SLCO6A1: variants seen among roughly 807,000 people sequenced by gnomAD.
SLCO6A1 encodes solute carrier organic anion transporter family member 6A1.
Under a neutral mutation model 72.7 loss-of-function variants are expected in SLCO6A1, and 65 were observed. The observed-to-expected ratio is 0.89, with a 90% CI of 0.73 to 1.10. The LOEUF (loss-of-function observed/expected upper bound fraction) is 1.10, where lower values mean the gene tolerates loss of function less well. Ranked by LOEUF, SLCO6A1 falls within the 50% of genes least tolerant of loss-of-function variation. The probability of loss-of-function intolerance (pLI) is 0.00; values close to 1 mark genes in which losing one functional copy is unlikely to be tolerated. For synonymous variants in SLCO6A1, 314 were observed against 298.2 expected (o/e 1.05, Z -0.55); for missense variants, 874 against 872.6 (o/e 1.00, Z -0.02).
intron 9 of SLCO6A1, among the ~76,000 whole-genome samples, chr5:102,406,107 G>A (rs1252381384): frequency 2.0e-5 from 3 of 150,246 alleles, no homozygotes; most frequent in Non-Finnish European, 4.5e-5. Context: ...AATAAAATAA[G>A]CAGCTAGATC....
chr5:102,375,166 T>C (rs1745712119), intron 12 of SLCO6A1, among the ~76,000 whole-genome samples: 4 of 152,072 alleles, frequency 2.6e-5, no homozygotes, highest in South Asian at 2.1e-4. Context: ...TTCAAACAAA[T>C]AGCAAGACAT....
At chr5:102,452,272 T>C (rs185465203) in intron 6 of SLCO6A1, among the ~76,000 whole-genome samples, 1 of 152,354 alleles carries the variant, frequency 6.6e-6, no homozygotes, top group Admixed American at 6.5e-5. Context: ...TTTTCCTCTA[T>C]AAAATATTAT....
At chr5:102,427,785 A>G (rs1748976009) in intron 7 of SLCO6A1, among the ~76,000 whole-genome samples, 2 of 150,090 alleles carry the variant, frequency 1.3e-5, no homozygotes, top group South Asian at 4.2e-4. Context: ...AGATGTTTAT[A>G]AAAGGGGAAA....
chr5:102,388,528 T>C (rs1182982146), intron 12 of SLCO6A1, among the ~76,000 whole-genome samples, 160 bp downstream of exon 12: 2 of 152,200 alleles, frequency 1.3e-5, no homozygotes, highest in East Asian at 1.9e-4. Context: ...AAAATTTTAC[T>C]TATAGAGATG....
rs1209002111 is a variant in SLCO6A1, at chr5:102,491,854, G to A, written c.358+6633C>T. On this transcript the variant is annotated intron_variant, in intron 1 of 13. Coordinates refer to ENST00000506729, the MANE Select transcript of SLCO6A1 (RefSeq NM_173488.5). ...TGGCCAGAGTGGGCGCCAAGGCGGA[G>A]GAGGTGCAGAGAGCGAGCGAGGGCT... is the stretch of plus-strand genomic sequence containing the variant. Among the ~76,000 whole-genome samples, 3 of 152,278 alleles carry A rather than the reference G, an allele frequency of 2.0e-5. No individual in the cohort carries two copies. The East Asian group carries it at 5.8e-4, about 29-fold the overall frequency.
In SLCO6A1 at chr5:102,454,253, A is replaced by G. The variant is rs556554936; in HGVS notation, c.1131+4129T>C. On this transcript the variant is annotated intron_variant, in intron 6 of 13. Transcript: ENST00000506729. ...AAGACTGTTAGCCTTCACTGTTACCAAGACATGGAGGGTAGGGAGGAAAGA... is the reference window on the plus strand; with the variant it reads ...AAGACTGTTAGCCTTCACTGTTACCGAGACATGGAGGGTAGGGAGGAAAGA... Among the ~76,000 whole-genome samples, 66 of 152,310 alleles carry G rather than the reference A, an allele frequency of 4.3e-4. No homozygotes were observed. The Middle Eastern group carries it at 0.01, about 24-fold the overall frequency.
chr5:102,385,345 T>G (rs1313686067), intron 12 of SLCO6A1, among the ~76,000 whole-genome samples: 1 of 152,176 alleles, frequency 6.6e-6, no homozygotes, highest in Non-Finnish European at 1.5e-5. Flanking sequence ...TTCATTTCTC[T>G]CTCCAGATTT....
rs550758112 is a variant in SLCO6A1 at position 102,490,598 on chromosome 5, G to A, written c.358+7889C>T. On this transcript the variant is annotated intron_variant, in intron 1 of 13. Transcript: ENST00000506729. Reference sequence around the variant, plus strand: ...GGTGAGTGTTACAGTTCTTAAAGGCGGCATGTCTGGAGTTTGTTTGTTCTG... The same window carrying A: ...GGTGAGTGTTACAGTTCTTAAAGGCAGCATGTCTGGAGTTTGTTTGTTCTG... Among the ~76,000 whole-genome samples the A allele has an allele frequency of 3.9e-5, 6 of 152,186 alleles. No individual in the cohort carries two copies. The South Asian group carries it at 6.2e-4, about 16-fold the overall frequency.
intron 1 of SLCO6A1, among the ~76,000 whole-genome samples, chr5:102,496,243 AGAT>A (rs1752905332): frequency 6.6e-6 from 1 of 152,230 alleles, no homozygotes; most frequent in Non-Finnish European, 1.5e-5. Flanking sequence ...AAATGTTAAC[AGAT>A]GAAGAATCTG....
At chr5:102,464,503 A>G (rs1302371021) in intron 4 of SLCO6A1, among the ~76,000 whole-genome samples, 1 of 152,210 alleles carries the variant, frequency 6.6e-6, no homozygotes, top group Non-Finnish European at 1.5e-5. Context: ...ATTCTCTTTG[A>G]GTAATTTAAT....
At chr5:102,480,119 G>A in intron 2 of SLCO6A1, 58 bp downstream of exon 2, 2 of 1,463,802 alleles carry the variant, frequency 1.4e-6, no homozygotes, top group Middle Eastern at 2.5e-4. Context: ...TAAGTTCCTT[G>A]AGCCAAGGTT....
chr5:102,482,879 T>C (rs756780010), intron 1 of SLCO6A1, among the ~76,000 whole-genome samples: 4 of 152,186 alleles, frequency 2.6e-5, no homozygotes, highest in Non-Finnish European at 4.4e-5. Flanking sequence ...ACCAGAACTA[T>C]ATAATACCTG....
At chr5:102,466,497 G>A (rs905267599) in intron 4 of SLCO6A1, among the ~76,000 whole-genome samples, 13 of 152,056 alleles carry the variant, frequency 8.5e-5, no homozygotes, top group African/African-American at 3.1e-4. Flanking sequence ...ATGTGTGCAT[G>A]TGTCTTTATA....
At chr5:102,430,703 T>C (rs1004604928) in intron 7 of SLCO6A1, among the ~76,000 whole-genome samples, 2 of 152,270 alleles carry the variant, frequency 1.3e-5, no homozygotes, top group East Asian at 1.9e-4. Flanking sequence ...TTTGCTAGTA[T>C]GTATTGAAGA....
chr5:102,406,693 AAATG>A (rs1278256023), intron 9 of SLCO6A1, among the ~76,000 whole-genome samples: 2 of 151,566 alleles, frequency 1.3e-5, no homozygotes, highest in African/African-American at 4.9e-5. Flanking sequence ...TACAGGAGAC[AAATG>A]AATAACATAG....
intron 1 of SLCO6A1, among the ~76,000 whole-genome samples, chr5:102,483,899 T>C (rs1580514567): frequency 6.6e-6 from 1 of 152,226 alleles, no homozygotes; most frequent in African/African-American, 2.4e-5. Context: ...CTGGTGAGTT[T>C]GAGTTCAACT....
At chr5:102,469,483 G>C (rs1390372471) in intron 4 of SLCO6A1, among the ~76,000 whole-genome samples, 6 of 152,246 alleles carry the variant, frequency 3.9e-5, no homozygotes, top group African/African-American at 7.2e-5. Context: ...GTATAGGAAT[G>C]CTTGTGATTT....
intron 6 of SLCO6A1, among the ~76,000 whole-genome samples, chr5:102,455,139 A>C (rs1170694358): frequency 6.6e-6 from 1 of 151,528 alleles, no homozygotes; most frequent in African/African-American, 2.4e-5. Context: ...GAGAAGAGAG[A>C]CAATGACATT....
chr5:102,428,956 A>G (rs1320079480), intron 7 of SLCO6A1, among the ~76,000 whole-genome samples: 1 of 152,106 alleles, frequency 6.6e-6, no homozygotes, highest in Non-Finnish European at 1.5e-5. Flanking sequence ...CCTCGCCAGC[A>G]CTTGTTATTT....
Sources: gnomAD v4.1 joint callset for allele counts (sites outside exome capture counted in the v4.1 genomes callset) on GRCh38, gnomAD v4.1.1 for gene constraint, MANE v1.5 for transcripts, NCBI Gene and HGNC (gene_info 2026-07-23, HGNC 2026-07-21) for gene names.